KCNJ3: variants seen among roughly 807,000 people sequenced by gnomAD.
KCNJ3 encodes the protein potassium inwardly rectifying channel subfamily J member 3.
A neutral mutation model predicts 39.2 loss-of-function variants in KCNJ3; 4 were observed. That is an observed-to-expected ratio of 0.10 (90% CI 0.05 to 0.23). The LOEUF (loss-of-function observed/expected upper bound fraction) is 0.23. Among genes scored for constraint, KCNJ3 ranks in the 10% least tolerant of loss-of-function variants. KCNJ3 has a pLI of 1.00. For synonymous variants in KCNJ3, 230 were observed against 237.4 expected, an observed-to-expected ratio of 0.97 and a Z score of 0.29; for missense variants, 276 against 634.9, an observed-to-expected ratio of 0.43 and a Z score of 6.08.
At chr2:154,763,001 A>C (rs930221537) in intron 2 of KCNJ3, among the ~76,000 whole-genome samples, 1 of 152,156 alleles carries the variant, frequency 6.6e-6, no homozygotes, top group Non-Finnish European at 1.5e-5. Context: ...TAGAAATTTA[A>C]TTTCTCCAAG....
At chr2:154,814,967 A>G (rs1687058729) in intron 2 of KCNJ3, among the ~76,000 whole-genome samples, 1 of 152,208 alleles carries the variant, frequency 6.6e-6, no homozygotes, top group Non-Finnish European at 1.5e-5. Context: ...CAATTCTGGA[A>G]AAGATTACAA....
chr2:154,779,971 TTG>T (rs914643547), intron 2 of KCNJ3, among the ~76,000 whole-genome samples: 23 of 152,202 alleles, frequency 1.5e-4, no homozygotes, highest in Admixed American at 1.3e-3. Context: ...AAAAAACAGG[TTG>T]TGTGTGTGCA....
intron 2 of KCNJ3, among the ~76,000 whole-genome samples, chr2:154,849,329 T>TTTTG (rs1173831333): frequency 4.6e-5 from 7 of 151,226 alleles, no homozygotes; most frequent in African/African-American, 1.7e-4. Context: ...TTTTGTTTTG[T>TTTTG]TTTGTTTTGT....
rs1687850241 is a variant in KCNJ3 at position 154,856,924 on chromosome 2, T to G, written c.*1611T>G. The stretch of plus-strand genomic sequence containing the variant: ...GCCCCAACTTTAAAAAAAATTCTTA[T>G]TAATATGTCAGTCATTAATTGCTAG... On this transcript the variant is annotated 3_prime_UTR_variant, in exon 3 of 3. Transcript: ENST00000295101. 6.6e-6 allele frequency: 1 copy of G among 152,336 alleles called. No individual in the cohort carries two copies. The highest frequency in any genetic ancestry group is 2.4e-5 in the African/African-American group (1 of 41,598). The allele number at this position is 152,336 out of a possible 1,614,324, so 9.4% of individuals were successfully genotyped here. A position where few individuals can be genotyped will look rare whatever the true frequency, so the allele number is the denominator to read the frequency against.
chr2:154,776,803 G>A (rs1383718181), intron 2 of KCNJ3, among the ~76,000 whole-genome samples: 5 of 151,984 alleles, frequency 3.3e-5, no homozygotes. Flanking sequence ...CAAGATGACT[G>A]AAATTTTATT....
intron 2 of KCNJ3, among the ~76,000 whole-genome samples, chr2:154,837,996 G>A (rs1233108914): frequency 6.6e-6 from 1 of 152,174 alleles, no homozygotes; most frequent in Non-Finnish European, 1.5e-5. Flanking sequence ...ATGAATAAAT[G>A]TTAAATATTA....
chr2:154,722,366 G>A (rs1245080369), intron 2 of KCNJ3, among the ~76,000 whole-genome samples: 2 of 152,130 alleles, frequency 1.3e-5, no homozygotes, highest in Non-Finnish European at 2.9e-5. Context: ...ATGCTACTAG[G>A]GGATGGATGA....
At chr2:154,794,017 TG>T (rs1206224998) in intron 2 of KCNJ3, among the ~76,000 whole-genome samples, 3 of 151,990 alleles carry the variant, frequency 2.0e-5, no homozygotes, top group African/African-American at 7.2e-5. Flanking sequence ...CAATGTAATG[TG>T]GAGGTGTCTG....
rs1686281202 is a variant in KCNJ3 at position 154,773,602 on chromosome 2, CAT to C, written c.919+63784_919+63785del. Among the ~76,000 whole-genome samples, 8 of 152,056 alleles carry C rather than the reference CAT, an allele frequency of 5.3e-5. No individual in the cohort carries two copies. The South Asian group carries it at 1.7e-3, about 32-fold the overall frequency. On this transcript the variant is annotated intron_variant, in intron 2 of 2. Coordinates refer to ENST00000295101, the MANE Select transcript of KCNJ3 (RefSeq NM_002239.4). Reference sequence around the variant, plus strand: ...CGATTAAGCCAGTGTCATGTGAAGTCATGTTTCAATTAATGTCTTTTTATTCT... The same window carrying C: ...CGATTAAGCCAGTGTCATGTGAAGTCGTTTCAATTAATGTCTTTTTATTCT...
intron 2 of KCNJ3, among the ~76,000 whole-genome samples, chr2:154,723,043 G>A (rs1024182256): frequency 6.6e-6 from 1 of 152,136 alleles, no homozygotes; most frequent in Non-Finnish European, 1.5e-5. Flanking sequence ...CACTTTGGGA[G>A]GCTGAGGCAG....
At chr2:154,767,017 T>C (rs915932270) in intron 2 of KCNJ3, among the ~76,000 whole-genome samples, 1 of 152,122 alleles carries the variant, frequency 6.6e-6, no homozygotes, top group African/African-American at 2.4e-5. Flanking sequence ...TTAGAAGAAT[T>C]TATTTGGAAT....
intron 2 of KCNJ3, among the ~76,000 whole-genome samples, chr2:154,746,198 T>C (rs1685738865): frequency 6.6e-6 from 1 of 152,064 alleles, no homozygotes; most frequent in Non-Finnish European, 1.5e-5. Flanking sequence ...ATTATAATAA[T>C]TCAATATATA....
intron 2 of KCNJ3, among the ~76,000 whole-genome samples, chr2:154,792,956 C>G (rs918060620): frequency 6.6e-6 from 1 of 152,014 alleles, no homozygotes; most frequent in Non-Finnish European, 1.5e-5. Flanking sequence ...AAGATGTCTA[C>G]AACAGTTTTA....
chr2:154,747,534 A>G (rs1287420391), intron 2 of KCNJ3, among the ~76,000 whole-genome samples: 2 of 152,094 alleles, frequency 1.3e-5, no homozygotes, highest in South Asian at 4.2e-4. Context: ...CTTTCCAGGT[A>G]GGCAGGGGTG....
chr2:154,789,193 A>AT (rs1036637742), intron 2 of KCNJ3, among the ~76,000 whole-genome samples: 12 of 152,204 alleles, frequency 7.9e-5, no homozygotes, highest in African/African-American at 2.9e-4. Context: ...TGAATATTAG[A>AT]TTTTTTAATC....
chr2:154,831,925 GAGGACTC>G (rs1687370501), intron 2 of KCNJ3, among the ~76,000 whole-genome samples: 1 of 152,154 alleles, frequency 6.6e-6, no homozygotes, highest in Non-Finnish European at 1.5e-5. Context: ...TGCTTCTGGT[GAGGACTC>G]AGGCTGCTTC....
At chr2:154,770,134 A>G (rs891700765) in intron 2 of KCNJ3, among the ~76,000 whole-genome samples, 1 of 152,186 alleles carries the variant, frequency 6.6e-6, no homozygotes, top group African/African-American at 2.4e-5. Flanking sequence ...TCAACAATCT[A>G]CAATTCTCAG....
At chr2:154,733,850 G>T (rs2105169206) in intron 2 of KCNJ3, among the ~76,000 whole-genome samples, 1 of 152,266 alleles carries the variant, frequency 6.6e-6, no homozygotes, top group African/African-American at 2.4e-5. Context: ...TCCCATAGAA[G>T]ATTGAAGAGG....
At chr2:154,725,908 T>C (rs1685347530) in intron 2 of KCNJ3, among the ~76,000 whole-genome samples, 1 of 151,942 alleles carries the variant, frequency 6.6e-6, no homozygotes, top group South Asian at 2.1e-4. Flanking sequence ...GCAAGCCACA[T>C]GTAGAAGAAT....
Sources: allele counts gnomAD v4.1 joint callset (sites outside exome capture counted in the v4.1 genomes callset), GRCh38; gene constraint gnomAD v4.1.1; transcripts MANE v1.5; gene names NCBI Gene and HGNC (gene_info 2026-07-23, HGNC 2026-07-21).